Variants in EBF2 observed in about 807,000 individuals in gnomAD.
EBF2 encodes transcription factor COE2.
In EBF2, 21 loss-of-function variants were observed where a neutral mutation model predicts 72.8. The observed-to-expected ratio is 0.29, with a 90% confidence interval of 0.20 to 0.42. The LOEUF (loss-of-function observed/expected upper bound fraction) is 0.42. EBF2 is among the 10% of genes least tolerant of loss of function. EBF2 has a pLI of 1.00. For missense variants in EBF2, 637 were observed against 731.2 expected (o/e 0.87, Z 1.49); for synonymous variants, 299 against 274.2 (o/e 1.09, Z -0.89).
At position 25,889,838 on chromosome 8, in the gene EBF2, C is replaced by G; in HGVS notation, c.665G>C (p.Gly222Ala). The change falls in exon 8 of 16, where the codon GGA becomes GCA. Residue 222 changes from glycine to alanine, a missense_variant. Gly to Ala is a moderately conservative substitution (Grantham distance 60). Transcript: ENST00000520164. ...VVLSTTVNVDGHVLAVSDNMF... is the reference protein window; with the variant it reads ...VVLSTTVNVDAHVLAVSDNMF... Reference sequence around the variant, plus strand: ...GTTGTCAGAAACAGCCAGGACGTGTCCATCCACATTCACCGTTGTTGACAA... The same window carrying G: ...GTTGTCAGAAACAGCCAGGACGTGTGCATCCACATTCACCGTTGTTGACAA... The G allele has an allele frequency of 6.2e-7, 1 of 1,613,938 alleles. No homozygotes were observed. Among genetic ancestry groups the G allele is most frequent in the Non-Finnish European group, 8.5e-7 (1 of 1,179,916 alleles).
At chr8:25,894,719 A>G (rs1802839005) in intron 7 of EBF2, among the ~76,000 whole-genome samples, 1 of 152,238 alleles carries the variant, frequency 6.6e-6, no homozygotes, top group Admixed American at 6.5e-5. Flanking sequence ...AATCAAGGTC[A>G]ACATTTCTTA....
At chr8:25,961,246 G>C (rs1384869661) in intron 6 of EBF2, among the ~76,000 whole-genome samples, 2 of 152,034 alleles carry the variant, frequency 1.3e-5, no homozygotes, top group Non-Finnish European at 2.9e-5. Context: ...TATAACAGAA[G>C]GCTTAAAATT....
At chr8:25,957,067 A>G (rs1467843342) in intron 6 of EBF2, among the ~76,000 whole-genome samples, 1 of 152,232 alleles carries the variant, frequency 6.6e-6, no homozygotes, top group African/African-American at 2.4e-5. Context: ...TTAAAACCCC[A>G]GAATGTCAGA....
chr8:25,968,655 T>C (rs1168457163), intron 6 of EBF2, among the ~76,000 whole-genome samples: 1 of 152,158 alleles, frequency 6.6e-6, no homozygotes, highest in Non-Finnish European at 1.5e-5. Context: ...TCCACCCCCC[T>C]GGGTTCAAGT....
intron 10 of EBF2, among the ~76,000 whole-genome samples, chr8:25,883,348 G>A (rs937468883): frequency 2.0e-5 from 3 of 151,402 alleles, no homozygotes; most frequent in Admixed American, 1.3e-4. Flanking sequence ...CCTGCATAGT[G>A]CCCCTATAAC....
At chr8:25,908,347 T>C in intron 7 of EBF2, 127 bp downstream of exon 7, 1 of 692,078 alleles carries the variant, frequency 1.4e-6, no homozygotes. Context: ...TCGTTTACCA[T>C]TGTCTTTTTT....
chr8:25,945,267 G>A lies in EBF2; in HGVS notation c.552-36712C>T, dbSNP rs146638760. Among the ~76,000 whole-genome samples, 83 of 152,054 alleles carry A rather than the reference G, an allele frequency of 5.5e-4. 1 individual carries two copies. The East Asian group carries it at 0.012, about 22-fold the overall frequency. ...TCAATACCTGTATTTTATTTCACAT[G>A]AGTTTCTATTAAGCTATATCTCCCC... On this transcript the variant is annotated intron_variant, in intron 6 of 15. Transcript: ENST00000520164.
At chr8:25,931,779 G>C (rs17054644) in intron 6 of EBF2, among the ~76,000 whole-genome samples, 3,129 of 152,198 alleles carry the variant, frequency 0.021, 107 homozygotes, top group African/African-American at 0.072. Context: ...TGACATGCAC[G>C]CCTCAAGGAA....
At chr8:25,926,921 A>G (rs1309549595) in intron 6 of EBF2, among the ~76,000 whole-genome samples, 1 of 152,220 alleles carries the variant, frequency 6.6e-6, no homozygotes, top group Non-Finnish European at 1.5e-5. Flanking sequence ...TTTCCGGGCC[A>G]GCAAGAGGAT....
At chr8:25,853,693 G>C (rs1052662536) in intron 14 of EBF2, among the ~76,000 whole-genome samples, 1 of 151,850 alleles carries the variant, frequency 6.6e-6, no homozygotes, top group Non-Finnish European at 1.5e-5. Context: ...AGGTTCAAGG[G>C]CATTTTTATA....
At chr8:26,002,831 C>G (rs1232423518) in intron 6 of EBF2, among the ~76,000 whole-genome samples, 8 of 82,876 alleles carry the variant, frequency 9.7e-5, no homozygotes, top group Non-Finnish European at 2.0e-4. Context: ...ACGGGACAGG[C>G]AGGCAGGCAG....
chr8:25,976,118 C>G (rs1318961831), intron 6 of EBF2, among the ~76,000 whole-genome samples: 1 of 152,100 alleles, frequency 6.6e-6, no homozygotes, highest in Middle Eastern at 3.2e-3. Context: ...TATGAAAACC[C>G]TCCTCCAATG....
intron 6 of EBF2, among the ~76,000 whole-genome samples, chr8:25,944,156 C>A (rs1803726311): frequency 6.6e-6 from 1 of 152,174 alleles, no homozygotes; most frequent in Admixed American, 6.5e-5. Flanking sequence ...AGAGAAAAAG[C>A]ATAGGGCAGG....
chr8:25,881,910 G>T (rs372266696), intron 10 of EBF2, among the ~76,000 whole-genome samples: 1 of 152,170 alleles, frequency 6.6e-6, no homozygotes, highest in Admixed American at 6.5e-5. Flanking sequence ...CTGGGCTGCC[G>T]AGAGGCCCGG....
intron 6 of EBF2, among the ~76,000 whole-genome samples, chr8:25,971,312 C>G (rs1804185541): frequency 1.3e-5 from 2 of 152,070 alleles, no homozygotes; most frequent in African/African-American, 2.4e-5. Context: ...CTCCTGTCAC[C>G]AAAATAAAGT....
At chr8:25,918,631 T>TA (rs890878869) in intron 6 of EBF2, among the ~76,000 whole-genome samples, 12 of 151,972 alleles carry the variant, frequency 7.9e-5, no homozygotes, top group African/African-American at 2.7e-4. Flanking sequence ...AAGTAAGTGT[T>TA]AAAAAAAATC....
chr8:25,901,114 A>G (rs1802944590), intron 7 of EBF2, among the ~76,000 whole-genome samples: 7 of 152,176 alleles, frequency 4.6e-5, no homozygotes. Flanking sequence ...TGCAAACATT[A>G]TATATCAATA....
intron 6 of EBF2, among the ~76,000 whole-genome samples, chr8:25,948,257 C>G (rs1194894016): frequency 6.6e-6 from 1 of 152,182 alleles, no homozygotes; most frequent in Non-Finnish European, 1.5e-5. Flanking sequence ...ATACCTCCAC[C>G]CCAGCGCAAG....
intron 7 of EBF2, among the ~76,000 whole-genome samples, chr8:25,905,857 T>C (rs1267033274): frequency 1.3e-5 from 2 of 152,196 alleles, no homozygotes; most frequent in Non-Finnish European, 2.9e-5. Context: ...CAGTAAAAAA[T>C]GCAAACAAAT....
Sources: gnomAD v4.1 joint callset for allele counts (sites outside exome capture counted in the v4.1 genomes callset) on GRCh38, gnomAD v4.1.1 for gene constraint, MANE v1.5 for transcripts, NCBI Gene and HGNC (gene_info 2026-07-23, HGNC 2026-07-21) for gene names.